ZNF578: variants seen among roughly 807,000 people sequenced by gnomAD.
ZNF578 encodes the protein zinc finger protein 578, also known as Putative chemokine-related protein B42.
In ZNF578, 8 loss-of-function variants were observed where a neutral mutation model predicts 8.3. The observed-to-expected ratio is 0.96, with a 90% CI of 0.56 to 1.74. The LOEUF is 1.74. Ranked by LOEUF, ZNF578 falls within the 40% of genes most tolerant of loss-of-function variation. The probability of loss-of-function intolerance (pLI) is 0.00; values close to 1 mark genes in which losing one functional copy is unlikely to be tolerated. For synonymous variants in ZNF578, 206 were observed against 232.2 expected (o/e 0.89, Z 1.03); for missense variants, 726 against 707.5 (o/e 1.03, Z -0.30).
chr19:52,487,073 CTG>C (rs1599898326), intron 2 of ZNF578, among the ~76,000 whole-genome samples: 2 of 151,978 alleles, frequency 1.3e-5, no homozygotes, highest in South Asian at 4.1e-4. Context: ...TGGCTCAAGT[CTG>C]TAATCTCCAC....
At chr19:52,468,895 A>G (rs1040189825) in intron 2 of ZNF578, among the ~76,000 whole-genome samples, 2 of 152,130 alleles carry the variant, frequency 1.3e-5, no homozygotes, top group Non-Finnish European at 2.9e-5. Flanking sequence ...TTGAACCAGC[A>G]GCTTCCTGGG....
intron 2 of ZNF578, among the ~76,000 whole-genome samples, chr19:52,489,982 A>G (rs962826323): frequency 6.6e-6 from 1 of 152,182 alleles, no homozygotes; most frequent in Non-Finnish European, 1.5e-5. Context: ...TCTCACAGAC[A>G]CCATCTGCAG....
In ZNF578 at chr19:52,510,699, T is replaced by G. The variant is rs772326370; in HGVS notation, c.318T>G (p.Ile106Met). Residue 106 changes from isoleucine to methionine, a missense_variant, in exon 6 of 6, where the codon ATT (isoleucine) becomes ATG (methionine). Transcript: ENST00000421239. ...CTGGAGATTTTTGCTTCCAGGAAAT[T>G]GAAAAAGATATTCATGACTTTGAGT... ...YHTGDFCFQE[I>M]EKDIHDFEFQ... 3.7e-6 allele frequency: 6 copies of G among 1,613,092 alleles called. No homozygotes were observed. Among genetic ancestry groups the G allele is most frequent in the Non-Finnish European group, 8.5e-7 (1 of 1,179,774 alleles).
rs114798259 is a variant in ZNF578, at chr19:52,470,232, A to G, written c.-122+13274A>G. 8.2e-3 allele frequency among the ~76,000 whole-genome samples: 1,249 copies of G among 152,246 alleles called. 22 individuals carry two copies. Among genetic ancestry groups the G allele is most frequent in the African/African-American group, 0.029 (1,192 of 41,536 alleles). On this transcript the variant is annotated intron_variant, in intron 2 of 5. Coordinates refer to ENST00000421239, the MANE Select transcript of ZNF578 (RefSeq NM_001099694.2). ...CTCTGAGGCAGATGCGAGGCAAGGC[A>G]ATGCTGATTCTTCTCAGGATCCTCC...
chr19:52,509,186 A>AGTC (rs917031547), intron 5 of ZNF578, among the ~76,000 whole-genome samples: 1 of 151,940 alleles, frequency 6.6e-6, no homozygotes, highest in Non-Finnish European at 1.5e-5. Context: ...ACAGGTTGTG[A>AGTC]GTCGTCGTGC....
At chr19:52,507,510 TG>T (rs2059429551) in intron 5 of ZNF578, among the ~76,000 whole-genome samples, 2 of 152,166 alleles carry the variant, frequency 1.3e-5, no homozygotes, top group African/African-American at 2.4e-5. Context: ...CACTCCAGCC[TG>T]GGTGATGAAG....
rs376938482 is a variant in ZNF578 at position 52,511,978 on chromosome 19, C to G, written c.1597C>G (p.His533Asp). ...ACACCTTTCACGTCATCATAGACTT[C>G]ATACTGGAGAGAAACCTTACAAATG... ...QSHLSRHHRL[H>D]TGEKPYKCKV... The change falls in exon 6 of 6, where the codon CAT becomes GAT. Residue 533 changes from histidine (H) to aspartate (D), a missense_variant. His to Asp is a moderately conservative substitution (Grantham distance 81). Transcript: ENST00000421239. 6 of 1,613,972 alleles carry G rather than the reference C, an allele frequency of 3.7e-6. No individual in the cohort carries two copies. The African/African-American group carries it at 8.0e-5, about 22-fold the overall frequency.
intron 2 of ZNF578, among the ~76,000 whole-genome samples, chr19:52,461,657 G>A (rs927516880): frequency 6.6e-6 from 1 of 152,158 alleles, no homozygotes; most frequent in Non-Finnish European, 1.5e-5. Context: ...AATAATTTTA[G>A]AATTAGGTCA....
intron 2 of ZNF578, among the ~76,000 whole-genome samples, chr19:52,469,102 T>C (rs1054366870): frequency 6.6e-6 from 1 of 152,132 alleles, no homozygotes; most frequent in African/African-American, 2.4e-5. Context: ...ATGTATCCCA[T>C]TTGTTCTGTA....
chr19:52,477,909 C>T (rs1165516150), intron 2 of ZNF578, among the ~76,000 whole-genome samples: 1 of 152,172 alleles, frequency 6.6e-6, no homozygotes, highest in Non-Finnish European at 1.5e-5. Context: ...GAGACCCTTG[C>T]ACAATATTTA....
chr19:52,516,731 AC>A lies in ZNF578; in HGVS notation c.*4582del, dbSNP rs1017796007. Among the ~76,000 whole-genome samples, 2 of 151,692 alleles carry A rather than the reference AC, an allele frequency of 1.3e-5. No homozygotes were observed. Among genetic ancestry groups the A allele is most frequent in the African/African-American group, 4.8e-5 (2 of 41,298 alleles). On this transcript the variant is annotated 3_prime_UTR_variant, in exon 6 of 6. Transcript: ENST00000421239. ...CTTGAGAATGGACTTGGTGAGATCC[AC>A]CCCCTGCCTGCAAAGCATTGCCCCT... is the stretch of plus-strand genomic sequence containing the variant.
chr19:52,489,405 T>A (rs1170600230), intron 2 of ZNF578, among the ~76,000 whole-genome samples: 1 of 151,656 alleles, frequency 6.6e-6, no homozygotes, highest in African/African-American at 2.4e-5. Context: ...GCCTGACCAA[T>A]ATAGAGAAAC....
chr19:52,503,800 C>CTTTTTTTTTTTT (rs59166209), intron 4 of ZNF578, among the ~76,000 whole-genome samples: 2 of 125,512 alleles, frequency 1.6e-5, no homozygotes, highest in Non-Finnish European at 1.7e-5. Context: ...CCTGTGTTTG[C>CTTTTTTTTTTTT]TTTTTTTTTT....
chr19:52,502,019 A>C, intron 4 of ZNF578, 111 bp downstream of exon 4: 1 of 1,489,896 alleles, frequency 6.7e-7, no homozygotes, highest in South Asian at 1.3e-5. Flanking sequence ...TCTGAGTCTG[A>C]AGCATTTTGC....
At position 52,511,098 on chromosome 19, in the gene ZNF578, C is replaced by G. The variant is rs745988940; in HGVS notation, c.717C>G (p.Ala239=). The change falls in exon 6 of 6, where the codon GCC becomes GCG. Residue 239 remains alanine (A), a synonymous_variant. Coordinates refer to ENST00000421239, the MANE Select transcript of ZNF578 (RefSeq NM_001099694.2). ...KSFQCNETGE[A]FNCSSFVRKH... ...TCCAATGTAATGAGACTGGCGAAGC[C>G]TTTAATTGTAGCTCATTTGTAAGGA... is the stretch of plus-strand genomic sequence containing the variant. 12 of 1,614,106 alleles carry G rather than the reference C, an allele frequency of 7.4e-6. No homozygotes were observed. The Admixed American group carries it at 2.0e-4, about 27-fold the overall frequency.
At chr19:52,506,454 T>C (rs977910297) in intron 5 of ZNF578, among the ~76,000 whole-genome samples, 1 of 139,410 alleles carries the variant, frequency 7.2e-6, no homozygotes, top group Non-Finnish European at 1.5e-5. Flanking sequence ...CTATTAAAAG[T>C]ACAGTTTCTT....
At chr19:52,498,329 G>GTATT (rs1397689603) in intron 3 of ZNF578, among the ~76,000 whole-genome samples, 18 of 113,726 alleles carry the variant, frequency 1.6e-4, no homozygotes, top group African/African-American at 6.6e-4. Context: ...GCTAATGTGT[G>GTATT]TTTTTTTTTT....
intron 2 of ZNF578, among the ~76,000 whole-genome samples, chr19:52,466,067 C>A (rs947184664): frequency 6.6e-6 from 1 of 152,216 alleles, no homozygotes; most frequent in Non-Finnish European, 1.5e-5. Context: ...AGGCCCTGAT[C>A]TCTGGTCTCC....
At chr19:52,508,795 CAAAAAAAA>C (rs374726428) in intron 5 of ZNF578, among the ~76,000 whole-genome samples, 14 of 100,860 alleles carry the variant, frequency 1.4e-4, no homozygotes, top group Non-Finnish European at 2.9e-4. Flanking sequence ...AACTCTGTCT[CAAAAAAAA>C]AAAAAAAGAA....
Sources: gnomAD v4.1 joint callset for allele counts (sites outside exome capture counted in the v4.1 genomes callset) on GRCh38, gnomAD v4.1.1 for gene constraint, MANE v1.5 for transcripts, NCBI Gene and HGNC (gene_info 2026-07-23, HGNC 2026-07-21) for gene names.